The following TTC7A variants were observed in gnomAD, a reference collection of about 807,000 sequenced individuals.
TTC7A encodes the protein tetratricopeptide repeat domain 7A, also known as tetratricopeptide repeat protein 7A.
In TTC7A, 110 loss-of-function variants were observed where a neutral mutation model predicts 103.7. The ratio of observed to expected loss-of-function variants is 1.06; its 90% confidence interval spans 0.91 to 1.24. The LOEUF is 1.24. Ranked by LOEUF, TTC7A falls within the 50% of genes most tolerant of loss-of-function variation. TTC7A has a pLI of 0.00. For missense variants in TTC7A, 1,340 were observed against 1,116.3 expected (o/e 1.20, Z -2.86); for synonymous variants, 521 against 467.9 (o/e 1.11, Z -1.47).
intron 15 of TTC7A, among the ~76,000 whole-genome samples, chr2:47,031,399 T>C (rs1680528696): frequency 6.6e-6 from 1 of 152,198 alleles, no homozygotes; most frequent in East Asian, 1.9e-4. Context: ...TGCGCACCTC[T>C]CTGGCAGGGT....
At chr2:46,916,143 A>G (rs1434697426), upstream of TTC7A, 1 of 985,040 alleles carries the variant, frequency 1.0e-6, no homozygotes, top group Non-Finnish European at 1.2e-6. Context: ...CTGGCTCCCA[A>G]CTCCGCTCAC....
At chr2:46,980,037 T>A (rs1301017647) in intron 5 of TTC7A, among the ~76,000 whole-genome samples, 2 of 152,226 alleles carry the variant, frequency 1.3e-5, no homozygotes, top group Admixed American at 6.5e-5. Context: ...AGCTTTCTTG[T>A]CACTGACTGC....
intron 3 of TTC7A, among the ~76,000 whole-genome samples, chr2:46,964,103 T>C (rs1672624060): frequency 6.6e-6 from 1 of 152,172 alleles, no homozygotes; most frequent in African/African-American, 2.4e-5. Flanking sequence ...TGGACATCGC[T>C]CTCTCTGACT....
rs533605891 is a variant in TTC7A at position 47,006,059 on chromosome 2, G to C, written c.1203G>C (p.Glu401Asp). ...GRRGQYVMLS[E>D]CLERAMKFAF... ...GGGGACAGTACGTCATGCTCTCGGA[G>C]GTACGGCCGGCCATGCAGCCCACCC... Residue 401 changes from glutamate (E) to aspartate (D), a missense_variant and splice_region_variant, in exon 9 of 20, where the codon GAG (glutamate) becomes GAC (aspartate). By Grantham distance (45) the Glu-to-Asp change is conservative. Coordinates refer to ENST00000319190, the MANE Select transcript of TTC7A (RefSeq NM_020458.4). 3 of 1,612,482 alleles carry C rather than the reference G, an allele frequency of 1.9e-6. No individual in the cohort carries two copies. Among genetic ancestry groups the C allele is most frequent in the Non-Finnish European group, 2.5e-6 (3 of 1,179,468 alleles).
intron 10 of TTC7A, among the ~76,000 whole-genome samples, chr2:47,008,178 G>A (rs1278927952): frequency 1.3e-5 from 2 of 152,196 alleles, no homozygotes; most frequent in African/African-American, 4.8e-5. Context: ...CAGAAAGCCC[G>A]TCTAATCTTG....
At chr2:47,052,886 CA>C (rs1682984560) in intron 18 of TTC7A, among the ~76,000 whole-genome samples, 2 of 152,150 alleles carry the variant, frequency 1.3e-5, no homozygotes, top group Non-Finnish European at 1.5e-5. Context: ...CTATTGTCCC[CA>C]GGGGGGGAGT....
At chr2:46,919,049 G>T (rs1026374207) in intron 2 of TTC7A, among the ~76,000 whole-genome samples, 3 of 152,142 alleles carry the variant, frequency 2.0e-5, no homozygotes, top group African/African-American at 7.2e-5. Flanking sequence ...CCTCTAGGTG[G>T]CATCTCTTTC....
chr2:47,026,172 G>A (rs1472128307), intron 14 of TTC7A, among the ~76,000 whole-genome samples: 4 of 152,192 alleles, frequency 2.6e-5, no homozygotes, highest in African/African-American at 9.6e-5. Context: ...GTCCTAGCCT[G>A]CCTGGGTCTC....
chr2:47,014,936 G>A (rs769426220), intron 11 of TTC7A, among the ~76,000 whole-genome samples: 45 of 152,280 alleles, frequency 3.0e-4, no homozygotes, highest in Admixed American at 3.9e-4. Flanking sequence ...CCGGGTCTGG[G>A]TCTGAGAGCA....
chr2:47,023,591 G>A (rs1679531369), intron 13 of TTC7A, 126 bp downstream of exon 13: 1 of 1,035,732 alleles, frequency 9.7e-7, no homozygotes, highest in Non-Finnish European at 1.4e-6. Flanking sequence ...ACAGATGAGG[G>A]AACTGCACAC....
At chr2:47,024,454 A>G in intron 14 of TTC7A, 95 bp downstream of exon 14, 4 of 1,148,038 alleles carry the variant, frequency 3.5e-6, no homozygotes, top group Admixed American at 5.2e-5. Context: ...TCTGCAAGTG[A>G]CTTTGCCTCC....
At position 46,978,778 on chromosome 2, in the gene TTC7A, G is replaced by A. The variant is rs938203313; in HGVS notation, c.649-14G>A. The A allele has an allele frequency of 6.2e-7, 1 of 1,610,616 alleles. No homozygotes were observed. Among genetic ancestry groups the A allele is most frequent in the Non-Finnish European group, 8.5e-7 (1 of 1,177,008 alleles). Reference sequence around the variant, plus strand: ...ACTTTGAGACAATGGCTCTCTCTCTGTTTCCCTTCCCAGACCACAAATAAC... The same window carrying A: ...ACTTTGAGACAATGGCTCTCTCTCTATTTCCCTTCCCAGACCACAAATAAC... On this transcript the variant is annotated splice_polypyrimidine_tract_variant and intron_variant, in intron 4 of 19. Coordinates refer to ENST00000319190, the MANE Select transcript of TTC7A (RefSeq NM_020458.4).
intron 5 of TTC7A, among the ~76,000 whole-genome samples, chr2:46,986,850 G>A (rs534220141): frequency 3.0e-4 from 46 of 152,296 alleles, no homozygotes; most frequent in Admixed American, 1.0e-3. Context: ...CACTGTGTAC[G>A]GTGGGTGGCG....
intron 15 of TTC7A, among the ~76,000 whole-genome samples, chr2:47,042,105 G>A (rs1002789300): frequency 1.3e-5 from 2 of 152,092 alleles, no homozygotes; most frequent in Admixed American, 1.3e-4. Context: ...GATGAATAAA[G>A]GTCCTTTTGT....
rs769754431 is a variant in TTC7A at position 47,060,866 on chromosome 2, G to T, written c.2250G>T (p.Met750Ile). ...CCACTTCTCACTCAGTACTCTATAT[G>T]CGGGGCCGGCTGGCTGAGGTGAAGG... ...LFPTSHSVLY[M>I]RGRLAEVKGN... Residue 750 changes from methionine to isoleucine, a missense_variant, in exon 19 of 20, where the codon ATG (methionine) becomes ATT (isoleucine). By Grantham distance (10) the Met-to-Ile change is conservative (BLOSUM62 1). Transcript: ENST00000319190. The T allele has an allele frequency of 3.5e-5, 56 of 1,614,072 alleles. No homozygotes were observed. The highest frequency in any genetic ancestry group is 4.2e-5 in the Non-Finnish European group (50 of 1,180,040).
At position 47,051,825 on chromosome 2, in the gene TTC7A, G is replaced by C. The variant is rs746097698; in HGVS notation, c.2097G>C (p.Leu699=). 3.7e-6 allele frequency: 6 copies of C among 1,612,242 alleles called. No homozygotes were observed. In the African/African-American group the frequency reaches 6.7e-5, roughly 18 times the overall value. Residue 699 remains leucine, a synonymous_variant, in exon 18 of 20, where the codon CTG becomes CTC. Transcript: ENST00000319190. ...AGCTGACTATGCCCTCTTCGGTCCT[G>C]AAGCAGGGCCCCATGCAGCTGTGGA... is the stretch of plus-strand genomic sequence containing the variant. The part of the protein sequence containing the change: ...MSELTMPSSV[L]KQGPMQLWTT...
At position 46,941,473 on chromosome 2, in the gene TTC7A, G is replaced by A; in HGVS notation, c.-69G>A. ...CGACCCCGCCCGCGAGTGCGCCCCAGCCAGGACGCCGCCCCCGGCCGGGTC... is the reference window on the plus strand; with the variant it reads ...CGACCCCGCCCGCGAGTGCGCCCCAACCAGGACGCCGCCCCCGGCCGGGTC... On this transcript the variant is annotated 5_prime_UTR_variant, in exon 1 of 20. Transcript: ENST00000319190. This position sits in a 1 kb window ranked among gnomAD's most constrained non-coding sequence, Gnocchi z 4.2. 6 of 1,514,544 alleles carry A rather than the reference G, an allele frequency of 4.0e-6. No individual in the cohort carries two copies. The highest frequency in any genetic ancestry group is 4.4e-6 in the Non-Finnish European group (5 of 1,128,864). 93.8% of individuals were successfully genotyped at this position (1,514,544 alleles called of 1,614,324 possible).
intron 2 of TTC7A, among the ~76,000 whole-genome samples, chr2:46,952,737 GCAAGATCC>G: frequency 6.6e-6 from 1 of 152,262 alleles, no homozygotes; most frequent in African/African-American, 2.4e-5. Flanking sequence ...GGGTGACAGA[GCAAGATCC>G]TGTCTCACAC....
Position 47,050,238 on chromosome 2 carries a change from G to A in TTC7A, c.2017+192G>A, listed in dbSNP as rs1332156434. On this transcript the variant is annotated intron_variant, in intron 17 of 19. Transcript: ENST00000319190. ...AGGGGCTGGCTGCTGGTCCCACAGT[G>A]GGCAGTGGGCAGGGGAGGAACCCTG... 5.1e-6 allele frequency: 3 copies of A among 590,614 alleles called. No individual in the cohort carries two copies. The East Asian group carries it at 8.5e-5, about 17-fold the overall frequency. 36.6% of individuals were successfully genotyped at this position (590,614 alleles called of 1,614,324 possible).
Sources: gnomAD v4.1 joint callset for allele counts (sites outside exome capture counted in the v4.1 genomes callset) on GRCh38, gnomAD v4.1.1 for gene constraint, Gnocchi (gnomAD v3.1) non-coding constraint, MANE v1.5 for transcripts, NCBI Gene and HGNC (gene_info 2026-07-23, HGNC 2026-07-21) for gene names.